The following PATJ variants were observed in gnomAD, a reference collection of about 807,000 sequenced individuals.
PATJ encodes PATJ crumbs cell polarity complex component.
Under a neutral mutation model 224.9 loss-of-function variants are expected in PATJ, and 190 were observed. The observed-to-expected ratio is 0.84, with a 90% CI of 0.75 to 0.95. The LOEUF is 0.95. Ranked by LOEUF, PATJ falls within the 40% of genes least tolerant of loss-of-function variation. The pLI, the probability that PATJ is intolerant of heterozygous loss-of-function variation, is 0.00. For missense variants in PATJ, 2,121 were observed against 2,270.3 expected, an observed-to-expected ratio of 0.93 and a Z score of 1.34; for synonymous variants, 769 against 820.3, an observed-to-expected ratio of 0.94 and a Z score of 1.07.
At chr1:62,043,584 T>C (rs186644787) in intron 30 of PATJ, among the ~76,000 whole-genome samples, 4 of 152,310 alleles carry the variant, frequency 2.6e-5, no homozygotes, top group African/African-American at 9.6e-5. Context: ...AGCCCTCTAG[T>C]AGAACTCCCA....
chr1:62,031,547 A>T (rs1649294661), intron 29 of PATJ, among the ~76,000 whole-genome samples: 1 of 152,224 alleles, frequency 6.6e-6, no homozygotes, highest in African/African-American at 2.4e-5. Context: ...CCCCAAGGAA[A>T]TTTATTAAAT....
chr1:61,939,920 C>T (rs180906856), intron 27 of PATJ, among the ~76,000 whole-genome samples: 9 of 151,700 alleles, frequency 5.9e-5, no homozygotes, highest in African/African-American at 9.7e-5. Context: ...GTGATCCGCC[C>T]GCCTCGGCCT....
At chr1:61,881,044 A>T (rs1471367568) in intron 21 of PATJ, among the ~76,000 whole-genome samples, 2 of 152,240 alleles carry the variant, frequency 1.3e-5, no homozygotes, top group East Asian at 3.8e-4. Context: ...CAGTGAGTCA[A>T]GATTGCACCA....
intron 31 of PATJ, among the ~76,000 whole-genome samples, chr1:62,062,219 T>TAAG (rs1464296096): frequency 6.6e-6 from 1 of 151,986 alleles, no homozygotes; most frequent in East Asian, 1.9e-4. Context: ...AAATAGCATA[T>TAAG]AAGAGTTCTT....
intron 31 of PATJ, among the ~76,000 whole-genome samples, chr1:62,056,733 A>G (rs779352653): frequency 6.6e-6 from 1 of 152,182 alleles, no homozygotes; most frequent in Non-Finnish European, 1.5e-5. Flanking sequence ...GTGAGCCAAT[A>G]TCACACCACT....
chr1:61,935,497 A>G (rs1211035936), intron 27 of PATJ, among the ~76,000 whole-genome samples: 3 of 152,226 alleles, frequency 2.0e-5, no homozygotes, highest in Non-Finnish European at 2.9e-5. Flanking sequence ...CATAATTATA[A>G]AATTAACCTG....
chr1:61,799,821 A>G (rs1208225216), intron 11 of PATJ, among the ~76,000 whole-genome samples: 1 of 152,158 alleles, frequency 6.6e-6, no homozygotes, highest in Non-Finnish European at 1.5e-5. Context: ...CCTGTTTCCG[A>G]GTCATTTCAC....
At chr1:61,913,392 G>A (rs980111453) in intron 25 of PATJ, among the ~76,000 whole-genome samples, 2 of 152,136 alleles carry the variant, frequency 1.3e-5, no homozygotes, top group African/African-American at 4.8e-5. Flanking sequence ...AATTTTTGTA[G>A]AGATGGAGTC....
intron 1 of PATJ, among the ~76,000 whole-genome samples, chr1:61,759,659 T>C (rs538718653): frequency 1.3e-5 from 2 of 152,326 alleles, no homozygotes; most frequent in South Asian, 4.1e-4. Context: ...CCGCCTACCT[T>C]GGCCTCCCAA....
chr1:61,929,216 A>G (rs749329771), intron 27 of PATJ, among the ~76,000 whole-genome samples: 3 of 152,238 alleles, frequency 2.0e-5, no homozygotes, highest in Non-Finnish European at 4.4e-5. Context: ...TTGTTACTCC[A>G]TACATTCTGG....
chr1:61,955,138 T>G (rs963775011), intron 27 of PATJ, among the ~76,000 whole-genome samples: 4 of 152,336 alleles, frequency 2.6e-5, no homozygotes, highest in African/African-American at 9.6e-5. Context: ...TTAGTATTAT[T>G]ATTCCCATTT....
chr1:61,910,588 C>T (rs1212186595), intron 25 of PATJ, among the ~76,000 whole-genome samples: 1 of 99,906 alleles, frequency 1.0e-5, no homozygotes, highest in Non-Finnish European at 1.9e-5. Context: ...TATTCTGTCA[C>T]CCAGGCTGAG....
intron 30 of PATJ, chr1:62,038,904 C>T: frequency 1.1e-6 from 1 of 909,326 alleles, no homozygotes; most frequent in Admixed American, 1.7e-5. Context: ...TTGTTGGAGT[C>T]CTGTGCACAG....
chr1:61,915,314 G>T (rs1340594025), intron 26 of PATJ, among the ~76,000 whole-genome samples: 1 of 152,166 alleles, frequency 6.6e-6, no homozygotes, highest in Non-Finnish European at 1.5e-5. Context: ...GGTTACAAGG[G>T]GGAGTCTGTT....
intron 24 of PATJ, among the ~76,000 whole-genome samples, chr1:61,906,445 G>A (rs1671870166): frequency 6.6e-6 from 1 of 152,110 alleles, no homozygotes. Flanking sequence ...CACCTCAGTA[G>A]CATAAACTCA....
At chr1:61,969,924 C>A (rs1384499728) in intron 27 of PATJ, among the ~76,000 whole-genome samples, 3 of 152,104 alleles carry the variant, frequency 2.0e-5, no homozygotes, top group East Asian at 1.9e-4. Flanking sequence ...GAACTCCTGA[C>A]CTCAAGTGAT....
intron 1 of PATJ, among the ~76,000 whole-genome samples, chr1:61,746,301 ACTC>A (rs1645023782): frequency 6.6e-6 from 1 of 151,976 alleles, no homozygotes; most frequent in Non-Finnish European, 1.5e-5. Context: ...CTGGTCTCGA[ACTC>A]CTGGTCCAAG....
At chr1:62,054,785 G>A (rs1654263423) in intron 31 of PATJ, among the ~76,000 whole-genome samples, 2 of 151,992 alleles carry the variant, frequency 1.3e-5, no homozygotes, top group South Asian at 2.1e-4. Context: ...CGCGGGGTAC[G>A]GTGATTCATG....
At chr1:61,883,265 A>G (rs1557815689) in intron 21 of PATJ, among the ~76,000 whole-genome samples, 1 of 152,238 alleles carries the variant, frequency 6.6e-6, no homozygotes, top group East Asian at 1.9e-4. Context: ...TATTATGTGA[A>G]CCTTTCTAAA....
Sources: allele counts gnomAD v4.1 joint callset (sites outside exome capture counted in the v4.1 genomes callset), GRCh38; gene constraint gnomAD v4.1.1; transcripts MANE v1.5; gene names NCBI Gene and HGNC (gene_info 2026-07-23, HGNC 2026-07-21).